PDZRN3: variants seen among roughly 807,000 people sequenced by gnomAD.
The protein encoded by PDZRN3 is E3 ubiquitin-protein ligase PDZRN3.
In PDZRN3, 38 loss-of-function variants were observed where a neutral mutation model predicts 85.7. The ratio of observed to expected loss-of-function variants is 0.44; its 90% confidence interval spans 0.34 to 0.58. The LOEUF (loss-of-function observed/expected upper bound fraction) is 0.58. Ranked by LOEUF, PDZRN3 falls within the 20% of genes least tolerant of loss-of-function variation. PDZRN3 has a pLI of 0.01. For synonymous variants in PDZRN3, 759 were observed against 638.0 expected (o/e 1.19, Z -2.86); for missense variants, 1,629 against 1,506.4 (o/e 1.08, Z -1.35).
chr3:73,603,100 A>G (rs547265972), intron 2 of PDZRN3, among the ~76,000 whole-genome samples: 2 of 152,356 alleles, frequency 1.3e-5, no homozygotes, highest in African/African-American at 4.8e-5. Flanking sequence ...GGCTTTTCAG[A>G]GAGTTTATAC....
chr3:73,466,364 C>A (rs906326394), intron 3 of PDZRN3, among the ~76,000 whole-genome samples: 4 of 151,160 alleles, frequency 2.6e-5, no homozygotes, highest in African/African-American at 9.7e-5. Context: ...TTTTATGGGG[C>A]CTGCAAATCT....
Position 73,388,045 on chromosome 3 carries a change from G to T in PDZRN3, c.1441C>A (p.Arg481Ser). 2.0e-6 allele frequency: 3 copies of T among 1,506,576 alleles called. No individual in the cohort carries two copies. The highest frequency in any genetic ancestry group is 1.2e-5 in the South Asian group (1 of 86,144). The allele number at this position is 1,506,576 out of a possible 1,614,324, so 93.3% of individuals were successfully genotyped here. A position where few individuals can be genotyped will look rare whatever the true frequency, so the allele number is the denominator to read the frequency against. ...GTTAGAAGAGCCACAGCCTCTTCAC[G>T]GTTCTGCACCTCTATCCCATTAATC... ...IQINGIEVQNREEAVALLTSE... is the reference protein window; with the variant it reads ...IQINGIEVQNSEEAVALLTSE... The change falls in exon 8 of 10, where the codon CGT becomes AGT. Residue 481 changes from arginine (R) to serine (S), a missense_variant. Coordinates refer to ENST00000263666, the MANE Select transcript of PDZRN3 (RefSeq NM_015009.3).
chr3:73,438,885 C>T (rs74964868), intron 3 of PDZRN3, among the ~76,000 whole-genome samples: 12,399 of 152,308 alleles, frequency 0.081, 556 homozygotes, highest in Middle Eastern at 0.18. Context: ...TCTGGACATG[C>T]GTGCTGTTTT....
intron 3 of PDZRN3, among the ~76,000 whole-genome samples, chr3:73,457,275 G>A (rs775609307): frequency 2.6e-5 from 4 of 152,018 alleles, no homozygotes; most frequent in Non-Finnish European, 5.9e-5. Flanking sequence ...GTTTTACCAC[G>A]TTGGCCAGGC....
At chr3:73,567,136 G>T (rs1358954374) in intron 3 of PDZRN3, among the ~76,000 whole-genome samples, 1 of 152,136 alleles carries the variant, frequency 6.6e-6, no homozygotes, top group African/African-American at 2.4e-5. Context: ...GAACAGAATT[G>T]TTCTGGTTCA....
At chr3:73,499,378 G>A (rs1219396663) in intron 3 of PDZRN3, among the ~76,000 whole-genome samples, 2 of 152,088 alleles carry the variant, frequency 1.3e-5, no homozygotes, top group Non-Finnish European at 2.9e-5. Context: ...ATGGCCACAC[G>A]CTGTGGTTTT....
intron 9 of PDZRN3, among the ~76,000 whole-genome samples, chr3:73,385,287 ACT>A (rs1461257045): frequency 2.0e-5 from 3 of 152,164 alleles, no homozygotes; most frequent in Non-Finnish European, 4.4e-5. Context: ...GCTCATTAAG[ACT>A]CTGACAATGG....
At chr3:73,475,845 T>G (rs1703438548) in intron 3 of PDZRN3, among the ~76,000 whole-genome samples, 1 of 152,170 alleles carries the variant, frequency 6.6e-6, no homozygotes, top group Non-Finnish European at 1.5e-5. Flanking sequence ...AATGCAAGCG[T>G]TTGATACCAT....
intron 3 of PDZRN3, among the ~76,000 whole-genome samples, chr3:73,416,887 T>TGG (rs1559667710): frequency 7.4e-6 from 1 of 135,430 alleles, no homozygotes; most frequent in African/African-American, 2.9e-5. Context: ...TTTTTTTTTT[T>TGG]TTTTTTTTTT....
intron 3 of PDZRN3, among the ~76,000 whole-genome samples, chr3:73,438,420 T>C (rs1044064753): frequency 2.0e-5 from 3 of 152,232 alleles, no homozygotes; most frequent in African/African-American, 7.2e-5. Flanking sequence ...ATACCTAAAA[T>C]ACAACCTTGT....
At position 73,458,049 on chromosome 3, in the gene PDZRN3, G is replaced by A. The variant is rs1703023311; in HGVS notation, c.919-53654C>T. Among the ~76,000 whole-genome samples, 3 of 152,332 alleles carry A rather than the reference G, an allele frequency of 2.0e-5. No homozygotes were observed. The South Asian group carries it at 6.2e-4, about 32-fold the overall frequency. On this transcript the variant is annotated intron_variant, in intron 3 of 9. Coordinates refer to ENST00000263666, the MANE Select transcript of PDZRN3 (RefSeq NM_015009.3). Reference sequence around the variant, plus strand: ...GGGAAACTGGAGAGACAGGCACACAGGGCTCAGAGACCGAGGTTCTGTTAC... The same window carrying A: ...GGGAAACTGGAGAGACAGGCACACAAGGCTCAGAGACCGAGGTTCTGTTAC...
At chr3:73,578,162 CTTTTTTT>C (rs61521063) in intron 3 of PDZRN3, among the ~76,000 whole-genome samples, 1 of 115,338 alleles carries the variant, frequency 8.7e-6, no homozygotes, top group Non-Finnish European at 1.8e-5. Context: ...TTTGACCATT[CTTTTTTT>C]TTTTTTTTTT....
At chr3:73,453,021 C>A (rs936877566) in intron 3 of PDZRN3, among the ~76,000 whole-genome samples, 12 of 152,078 alleles carry the variant, frequency 7.9e-5, no homozygotes, top group Admixed American at 6.6e-5. Context: ...TGACACTCTG[C>A]CATTGAATAC....
At chr3:73,558,077 T>A (rs1701739292) in intron 3 of PDZRN3, among the ~76,000 whole-genome samples, 5 of 152,118 alleles carry the variant, frequency 3.3e-5, no homozygotes, top group Non-Finnish European at 1.5e-5. Context: ...TAATATATGT[T>A]TTTTTTCTTT....
chr3:73,579,746 A>T (rs1702171401), intron 3 of PDZRN3, among the ~76,000 whole-genome samples: 1 of 152,186 alleles, frequency 6.6e-6, no homozygotes, highest in Non-Finnish European at 1.5e-5. Context: ...ATAAGGGTGC[A>T]ACTGAGAGGT....
intron 3 of PDZRN3, among the ~76,000 whole-genome samples, chr3:73,491,994 A>G (rs1402659877): frequency 6.6e-6 from 1 of 152,048 alleles, no homozygotes; most frequent in Non-Finnish European, 1.5e-5. Context: ...TCTGCCTTTG[A>G]TATGTGCTTC....
rs528016694 is a variant in PDZRN3 at position 73,428,184 on chromosome 3, C to T, written c.919-23789G>A. Among the ~76,000 whole-genome samples the T allele has an allele frequency of 7.9e-5, 12 of 152,186 alleles. No homozygotes were observed. In the South Asian group the frequency reaches 1.5e-3, roughly 18 times the overall value. On this transcript the variant is annotated intron_variant, in intron 3 of 9. Coordinates refer to ENST00000263666, the MANE Select transcript of PDZRN3 (RefSeq NM_015009.3). ...GGCTCTGTGAGCCACAGTTAATTCA[C>T]TGAATTCCAAGGGCACTGGGGAGCC... is the stretch of plus-strand genomic sequence containing the variant.
chr3:73,568,762 G>A (rs1701995314), intron 3 of PDZRN3, among the ~76,000 whole-genome samples: 1 of 152,062 alleles, frequency 6.6e-6, no homozygotes, highest in Non-Finnish European at 1.5e-5. Flanking sequence ...TTTGCTACAT[G>A]ATTATCTAAA....
At chr3:73,590,137 C>T (rs762181052) in intron 3 of PDZRN3, among the ~76,000 whole-genome samples, 33 of 136,468 alleles carry the variant, frequency 2.4e-4, no homozygotes, top group Admixed American at 1.1e-3. Context: ...AGTGTGGTGA[C>T]GGGCACCTGT....
Sources: gnomAD v4.1 joint callset for allele counts (sites outside exome capture counted in the v4.1 genomes callset) on GRCh38, gnomAD v4.1.1 for gene constraint, MANE v1.5 for transcripts, NCBI Gene and HGNC (gene_info 2026-07-23, HGNC 2026-07-21) for gene names.